KCNIP4: variants seen among roughly 807,000 people sequenced by gnomAD.
KCNIP4 encodes potassium voltage-gated channel interacting protein 4.
A neutral mutation model predicts 34.0 loss-of-function variants in KCNIP4; 12 were observed. The observed-to-expected ratio is 0.35, with a 90% confidence interval of 0.23 to 0.57. KCNIP4 has a LOEUF of 0.57. KCNIP4 is among the 20% of genes least tolerant of loss of function. KCNIP4 has a pLI of 0.83. For missense variants in KCNIP4, 238 were observed against 311.7 expected, an observed-to-expected ratio of 0.76 and a Z score of 1.78; for synonymous variants, 124 against 102.2, an observed-to-expected ratio of 1.21 and a Z score of -1.29.
intron 1 of KCNIP4, among the ~76,000 whole-genome samples, chr4:21,294,582 T>C (rs139694589): frequency 2.3e-4 from 35 of 152,296 alleles, no homozygotes; most frequent in African/African-American, 8.2e-4. Flanking sequence ...TACAGGGATA[T>C]GCAAAAATTT....
chr4:21,543,325 CATTT>C (rs1737857426), intron 1 of KCNIP4, among the ~76,000 whole-genome samples: 1 of 152,050 alleles, frequency 6.6e-6, no homozygotes, highest in South Asian at 2.1e-4. Flanking sequence ...ATATGTATAT[CATTT>C]GTCAGTTTTC....
intron 1 of KCNIP4, among the ~76,000 whole-genome samples, chr4:21,230,881 T>C (rs1758740900): frequency 1.3e-5 from 2 of 152,206 alleles, no homozygotes; most frequent in African/African-American, 4.8e-5. Flanking sequence ...ATATACCCAG[T>C]AATAGGATTT....
At chr4:21,082,371 G>A (rs1577659957) in intron 1 of KCNIP4, among the ~76,000 whole-genome samples, 1 of 151,698 alleles carries the variant, frequency 6.6e-6, no homozygotes, top group African/African-American at 2.4e-5. Context: ...ACACCCCAGA[G>A]AATTTCTGTA....
chr4:21,750,677 G>GT (rs2109143976), intron 1 of KCNIP4, among the ~76,000 whole-genome samples: 1 of 152,308 alleles, frequency 6.6e-6, no homozygotes, highest in Admixed American at 6.5e-5. Flanking sequence ...CTAGGCACCT[G>GT]TAAGTTCAAA....
Position 21,576,280 on chromosome 4 carries a change from C to T in KCNIP4, c.61+372291G>A, listed in dbSNP as rs190632503. Among the ~76,000 whole-genome samples the T allele has an allele frequency of 4.5e-4, 69 of 152,234 alleles. No individual in the cohort carries two copies. In the East Asian group the frequency reaches 7.7e-3, roughly 17 times the overall value. ...TGATTTAAGACTGCTTCACATAAAG[C>T]ATCTTTTATGGGGTGAAAACCAAGA... On this transcript the variant is annotated intron_variant, in intron 1 of 8. Coordinates refer to ENST00000382152, the MANE Select transcript of KCNIP4 (RefSeq NM_025221.6).
rs115454208 is a variant in KCNIP4 at position 21,842,714 on chromosome 4, T to C, written c.61+105857A>G. On this transcript the variant is annotated intron_variant, in intron 1 of 8. Transcript: ENST00000382152. ...AGATTTTTAAGAAGTAATAGTCTTC[T>C]AAATTGTCTCTGATAGTTCTTACTT... 5.0e-3 allele frequency among the ~76,000 whole-genome samples: 763 copies of C among 152,268 alleles called. 8 individuals carry two copies. The highest frequency in any genetic ancestry group is 0.018 in the African/African-American group (734 of 41,584).
intron 1 of KCNIP4, among the ~76,000 whole-genome samples, chr4:21,054,893 CTATGTTGGAAATCATTCA>C (rs1208465596): frequency 6.6e-6 from 1 of 152,050 alleles, no homozygotes; most frequent in African/African-American, 2.4e-5. Flanking sequence ...AAGGCATGAT[CTATGTTGGAAATCATTCA>C]TATGTTGGAC....
At chr4:21,280,187 G>A (rs1258319170) in intron 1 of KCNIP4, among the ~76,000 whole-genome samples, 1 of 152,154 alleles carries the variant, frequency 6.6e-6, no homozygotes, top group Non-Finnish European at 1.5e-5. Context: ...AACTGCATAT[G>A]ATGCAAAAGA....
At chr4:21,211,533 A>C (rs1757224912) in intron 1 of KCNIP4, among the ~76,000 whole-genome samples, 1 of 152,162 alleles carries the variant, frequency 6.6e-6, no homozygotes, top group African/African-American at 2.4e-5. Flanking sequence ...GAAGTGGAAC[A>C]GTTTCATTCC....
intron 1 of KCNIP4, among the ~76,000 whole-genome samples, chr4:21,137,068 T>C (rs1052688254): frequency 6.6e-6 from 1 of 152,006 alleles, no homozygotes; most frequent in Non-Finnish European, 1.5e-5. Context: ...CAGGCTAATA[T>C]TTCCCTTTTC....
At chr4:21,690,112 A>T (rs938949714) in intron 1 of KCNIP4, among the ~76,000 whole-genome samples, 8 of 147,092 alleles carry the variant, frequency 5.4e-5, no homozygotes, top group African/African-American at 2.0e-4. Flanking sequence ...ATATATACAT[A>T]TATTATATAT....
chr4:21,182,677 C>T (rs79532617), intron 1 of KCNIP4, among the ~76,000 whole-genome samples: 18,557 of 151,940 alleles, frequency 0.12, 1,223 homozygotes, highest in East Asian at 0.19. Context: ...TCTCCATGTC[C>T]GTGTGTACAC....
intron 2 of KCNIP4, among the ~76,000 whole-genome samples, chr4:20,864,129 C>CATGTATGTATACGT (rs1560525363): frequency 1.5e-5 from 2 of 137,644 alleles, no homozygotes; most frequent in African/African-American, 5.0e-5. Flanking sequence ...CATGTATACA[C>CATGTATGTATACGT]ATGTATGTAT....
intron 1 of KCNIP4, among the ~76,000 whole-genome samples, chr4:21,722,146 C>A (rs990386419): frequency 1.3e-5 from 2 of 152,150 alleles, no homozygotes; most frequent in Admixed American, 1.3e-4. Context: ...CAAACAAGAA[C>A]TATTTTATGG....
At chr4:21,504,842 G>A (rs367950113) in intron 1 of KCNIP4, among the ~76,000 whole-genome samples, 2 of 152,236 alleles carry the variant, frequency 1.3e-5, no homozygotes, top group African/African-American at 4.8e-5. Context: ...GCATTTTGAC[G>A]ATGTTACCAA....
At chr4:21,514,739 G>T (rs1734616132) in intron 1 of KCNIP4, among the ~76,000 whole-genome samples, 1 of 152,122 alleles carries the variant, frequency 6.6e-6, no homozygotes, top group East Asian at 1.9e-4. Context: ...GTGAAAGAAA[G>T]ACTCTCTCTC....
At chr4:21,642,247 A>T (rs543302464) in intron 1 of KCNIP4, among the ~76,000 whole-genome samples, 8 of 152,268 alleles carry the variant, frequency 5.3e-5, no homozygotes, top group Middle Eastern at 3.4e-3. Context: ...TTGACAGAAG[A>T]GTGGAATGAC....
intron 1 of KCNIP4, among the ~76,000 whole-genome samples, chr4:21,074,576 T>C (rs1054082290): frequency 3.3e-5 from 5 of 152,176 alleles, no homozygotes; most frequent in Non-Finnish European, 7.3e-5. Flanking sequence ...TGTTGATCTT[T>C]TCAAAAAACC....
intron 1 of KCNIP4, among the ~76,000 whole-genome samples, chr4:21,337,798 G>A (rs16870858): frequency 1.3e-5 from 2 of 152,026 alleles, no homozygotes; most frequent in African/African-American, 2.4e-5. Context: ...CAAATCTGGA[G>A]TTTCCTATTG....
Sources: allele counts gnomAD v4.1 joint callset (sites outside exome capture counted in the v4.1 genomes callset), GRCh38; gene constraint gnomAD v4.1.1; transcripts MANE v1.5; gene names NCBI Gene and HGNC (gene_info 2026-07-23, HGNC 2026-07-21).